The following NR2C1 variants were observed in gnomAD, a reference collection of about 807,000 sequenced individuals.
NR2C1 encodes nuclear receptor subfamily 2 group C member 1, also known as TR2 nuclear hormone receptor.
Under a neutral mutation model 74.8 loss-of-function variants are expected in NR2C1, and 33 were observed. That is an observed-to-expected ratio of 0.44 (90% CI 0.33 to 0.59). The LOEUF (loss-of-function observed/expected upper bound fraction) is 0.59. Among genes scored for constraint, NR2C1 ranks in the 20% least tolerant of loss-of-function variants. The probability of loss-of-function intolerance (pLI) is 0.02; values close to 1 mark genes in which losing one functional copy is unlikely to be tolerated. For missense variants in NR2C1, 568 were observed against 715.6 expected (o/e 0.79, Z 2.35); for synonymous variants, 225 against 240.6 (o/e 0.94, Z 0.60).
At chr12:95,035,962 G>A (rs929913127) in intron 10 of NR2C1, among the ~76,000 whole-genome samples, 6 of 152,126 alleles carry the variant, frequency 3.9e-5, no homozygotes, top group Non-Finnish European at 7.3e-5. Context: ...TTTAAGTTAC[G>A]TGGTCCAAAG....
intron 9 of NR2C1, among the ~76,000 whole-genome samples, chr12:95,045,181 G>A (rs751539725): frequency 6.6e-6 from 1 of 152,164 alleles, no homozygotes; most frequent in Non-Finnish European, 1.5e-5. Context: ...CTGGGAACCA[G>A]TAAGTGCTAT....
At chr12:95,025,658 TAAAA>T (rs11291964) in intron 12 of NR2C1, among the ~76,000 whole-genome samples, 3 of 86,562 alleles carry the variant, frequency 3.5e-5, no homozygotes, top group African/African-American at 4.6e-5. Context: ...AACTCTGTCT[TAAAA>T]AAAAAAAAAA....
intron 7 of NR2C1, 48 bp from the exon 8 acceptor site, chr12:95,051,991 T>C (rs753087381): frequency 2.3e-6 from 3 of 1,281,906 alleles, no homozygotes; most frequent in Non-Finnish European, 3.2e-6. Flanking sequence ...ATCACTATTT[T>C]TTTCAATCTG....
intron 8 of NR2C1, among the ~76,000 whole-genome samples, chr12:95,050,785 C>T (rs58168314): frequency 0.021 from 3,153 of 152,120 alleles, 100 homozygotes; most frequent in African/African-American, 0.072. Context: ...CCTGAATAAA[C>T]TGTTTCTATA....
rs1868701810 is a variant in NR2C1, at chr12:95,020,788, A to G, written c.*1441T>C. 6.6e-6 allele frequency: 1 copy of G among 152,252 alleles called. No homozygotes were observed. Among genetic ancestry groups the G allele is most frequent in the South Asian group, 2.1e-4 (1 of 4,832 alleles). The allele number at this position is 152,252 out of a possible 1,614,324, so 9.4% of individuals were successfully genotyped here. On this transcript the variant is annotated 3_prime_UTR_variant, in exon 14 of 14. Transcript: ENST00000333003. ...AGTTATCAGTATCAGGTTTGCTAAA[A>G]GAATAAATTACTGTGGAAGACATCC... is the stretch of plus-strand genomic sequence containing the variant.
At chr12:95,070,533 A>G (rs1876444449) in intron 1 of NR2C1, among the ~76,000 whole-genome samples, 1 of 152,220 alleles carries the variant, frequency 6.6e-6, no homozygotes, top group Admixed American at 6.5e-5. Context: ...AAAAATGTTC[A>G]TATTGACTGG....
At chr12:95,035,338 T>C (rs964546589) in intron 10 of NR2C1, among the ~76,000 whole-genome samples, 2 of 152,042 alleles carry the variant, frequency 1.3e-5, no homozygotes, top group African/African-American at 2.4e-5. Flanking sequence ...TTAAAAAAAA[T>C]TAAAAGCTAA....
intron 10 of NR2C1, 94 bp from the exon 11 acceptor site, chr12:95,031,582 TAC>T: frequency 1.2e-6 from 1 of 868,298 alleles, no homozygotes. Context: ...AACAGCATAT[TAC>T]TAAACTAAAA....
At chr12:95,046,230 T>C (rs529524817) in intron 9 of NR2C1, among the ~76,000 whole-genome samples, 2 of 152,196 alleles carry the variant, frequency 1.3e-5, no homozygotes, top group Non-Finnish European at 2.9e-5. Context: ...ACTACCAAGA[T>C]TGCTTTGAAC....
chr12:95,056,589 T>C (rs1483861730), intron 7 of NR2C1, among the ~76,000 whole-genome samples: 2 of 152,180 alleles, frequency 1.3e-5, no homozygotes, highest in African/African-American at 4.8e-5. Context: ...CTGAAATATT[T>C]TAAGTATTTT....
At chr12:95,064,875 T>C (rs1592792540) in intron 2 of NR2C1, among the ~76,000 whole-genome samples, 1 of 152,244 alleles carries the variant, frequency 6.6e-6, no homozygotes, top group East Asian at 1.9e-4. Context: ...AAGATTCTTT[T>C]CTATGCAAAA....
intron 11 of NR2C1, 38 bp downstream of exon 11, chr12:95,031,311 T>TC: frequency 6.7e-7 from 1 of 1,488,820 alleles, no homozygotes; most frequent in Non-Finnish European, 8.9e-7. Flanking sequence ...TCATGCCTCC[T>TC]CCTACAACCT....
At chr12:95,032,432 T>TG (rs1870246035) in intron 10 of NR2C1, among the ~76,000 whole-genome samples, 1 of 144,920 alleles carries the variant, frequency 6.9e-6, no homozygotes, top group Non-Finnish European at 1.5e-5. Flanking sequence ...CACTCCAGCC[T>TG]GGGTGACACA....
chr12:95,027,753 A>G (rs1869540951), intron 12 of NR2C1, among the ~76,000 whole-genome samples: 1 of 147,794 alleles, frequency 6.8e-6, no homozygotes, highest in African/African-American at 2.6e-5. Flanking sequence ...AAAGTATACA[A>G]TTCAATAGTT....
intron 2 of NR2C1, among the ~76,000 whole-genome samples, chr12:95,064,138 G>A (rs954784897): frequency 2.7e-5 from 4 of 149,558 alleles, no homozygotes; most frequent in African/African-American, 9.9e-5. Flanking sequence ...GACCAACCTA[G>A]CTAACACAGT....
intron 12 of NR2C1, among the ~76,000 whole-genome samples, chr12:95,025,915 G>C (rs1309631960): frequency 1.3e-5 from 2 of 151,626 alleles, no homozygotes; most frequent in African/African-American, 4.8e-5. Context: ...AGCTTAAAAA[G>C]ACATCTTAAG....
chr12:95,048,622 G>GCTTTTTT, intron 9 of NR2C1, among the ~76,000 whole-genome samples: 1 of 130,526 alleles, frequency 7.7e-6, no homozygotes. Flanking sequence ...ATGCAGATGA[G>GCTTTTTT]TTTTTTTTTT....
intron 1 of NR2C1, chr12:95,073,120 C>G (rs1370855185): frequency 6.5e-6 from 1 of 152,680 alleles, no homozygotes; most frequent in Non-Finnish European, 1.5e-5. Context: ...CTCCAAGCCG[C>G]TCGCCGTCCG....
chr12:95,028,555 T>C (rs963711452), intron 11 of NR2C1, 31 bp from the exon 12 acceptor site: 1 of 1,376,962 alleles, frequency 7.3e-7, no homozygotes, highest in Non-Finnish European at 1.0e-6. Flanking sequence ...ATGCTTCTAG[T>C]GTTTGTCTAA....
Sources: allele counts gnomAD v4.1 joint callset (sites outside exome capture counted in the v4.1 genomes callset), GRCh38; gene constraint gnomAD v4.1.1; transcripts MANE v1.5; gene names NCBI Gene and HGNC (gene_info 2026-07-23, HGNC 2026-07-21).